The following PLEKHG1 variants were observed in gnomAD, a reference collection of about 807,000 sequenced individuals.
PLEKHG1 encodes the protein pleckstrin homology and RhoGEF domain containing G1, also known as pleckstrin homology domain-containing family G member 1.
In PLEKHG1, 44 loss-of-function variants were observed where a neutral mutation model predicts 100.8. The observed-to-expected ratio is 0.44, with a 90% CI of 0.34 to 0.56. The LOEUF is 0.56. PLEKHG1 is among the 20% of genes least tolerant of loss of function. PLEKHG1 has a pLI of 0.01. For synonymous variants in PLEKHG1, 640 were observed against 662.5 expected (o/e 0.97, Z 0.52); for missense variants, 1,545 against 1,720.9 (o/e 0.90, Z 1.81).
intron 4 of PLEKHG1, among the ~76,000 whole-genome samples, chr6:150,794,729 AG>A (rs1472610276): frequency 2.0e-5 from 3 of 152,064 alleles, no homozygotes; most frequent in Non-Finnish European, 4.4e-5. Flanking sequence ...AATGATGTCT[AG>A]AATTTAATTC....
At chr6:150,765,384 T>C (rs1384333136) in intron 2 of PLEKHG1, among the ~76,000 whole-genome samples, 1 of 151,346 alleles carries the variant, frequency 6.6e-6, no homozygotes, top group Non-Finnish European at 1.5e-5. Context: ...TCTCAGCTAC[T>C]CGAGGGGGCT....
At chr6:150,673,585 C>CT (rs1562426587) in intron 3 of PLEKHG1, among the ~76,000 whole-genome samples, 2 of 151,812 alleles carry the variant, frequency 1.3e-5, no homozygotes, top group Non-Finnish European at 2.9e-5. Context: ...CTTTTCTCTT[C>CT]TCCTTCCTTC....
intron 3 of PLEKHG1, among the ~76,000 whole-genome samples, chr6:150,772,960 G>A (rs984939396): frequency 1.1e-4 from 16 of 152,144 alleles, no homozygotes; most frequent in Non-Finnish European, 1.3e-4. Context: ...ATCTCCTACC[G>A]TGAGACATGC....
intron 3 of PLEKHG1, among the ~76,000 whole-genome samples, chr6:150,651,426 G>A (rs112576472): frequency 0.14 from 21,473 of 151,996 alleles, 1,669 homozygotes; most frequent in South Asian, 0.23. Context: ...TAGAGATGGG[G>A]TTTCACCACG....
At chr6:150,828,015 C>T in intron 14 of PLEKHG1, 1 of 1,613,050 alleles carries the variant, frequency 6.2e-7, no homozygotes. Context: ...GGTCATCTTG[C>T]ACCTTTACAA....
chr6:150,814,042 A>G (rs1011894391), intron 10 of PLEKHG1, among the ~76,000 whole-genome samples: 2 of 152,220 alleles, frequency 1.3e-5, no homozygotes, highest in Non-Finnish European at 2.9e-5. Context: ...ACTGCCAGCA[A>G]TGATTTGGTC....
chr6:150,790,537 C>T (rs749501055), intron 4 of PLEKHG1, among the ~76,000 whole-genome samples: 1 of 152,152 alleles, frequency 6.6e-6, no homozygotes, highest in East Asian at 1.9e-4. Context: ...ACCCTTTCAC[C>T]CACCAGTCCT....
intron 3 of PLEKHG1, among the ~76,000 whole-genome samples, chr6:150,673,770 C>T (rs1230133296): frequency 6.6e-6 from 1 of 152,108 alleles, no homozygotes; most frequent in Non-Finnish European, 1.5e-5. Flanking sequence ...AGGTGATTCT[C>T]CCATCTCAGT....
chr6:150,610,237 G>A (rs1054280766), intron 1 of PLEKHG1, among the ~76,000 whole-genome samples: 4 of 152,176 alleles, frequency 2.6e-5, no homozygotes, highest in African/African-American at 9.7e-5. Flanking sequence ...GAGTAGCTGG[G>A]ATTACAGGCA....
At chr6:150,788,806 GCTCT>G (rs1785785205) in intron 4 of PLEKHG1, among the ~76,000 whole-genome samples, 1 of 152,032 alleles carries the variant, frequency 6.6e-6, no homozygotes, top group Admixed American at 6.6e-5. Context: ...TCGTTGTGTG[GCTCT>G]CTCTCTGTTG....
chr6:150,648,217 G>A (rs1778579277), intron 2 of PLEKHG1, among the ~76,000 whole-genome samples: 1 of 151,914 alleles, frequency 6.6e-6, no homozygotes, highest in African/African-American at 2.4e-5. Context: ...ATTTCTAATA[G>A]GTTTTAAAAA....
At chr6:150,618,932 A>T (rs933795611) in intron 1 of PLEKHG1, among the ~76,000 whole-genome samples, 7 of 152,046 alleles carry the variant, frequency 4.6e-5, no homozygotes, top group East Asian at 1.9e-4. Context: ...AATTTTTTTT[A>T]AATTATTTGG....
At chr6:150,711,316 G>A (rs1781234836) in intron 3 of PLEKHG1, among the ~76,000 whole-genome samples, 1 of 152,078 alleles carries the variant, frequency 6.6e-6, no homozygotes, top group African/African-American at 2.4e-5. Flanking sequence ...CCCCATCACT[G>A]AACCCTGCCT....
intron 2 of PLEKHG1, among the ~76,000 whole-genome samples, chr6:150,757,329 T>G (rs1783900305): frequency 1.3e-5 from 2 of 152,198 alleles, no homozygotes; most frequent in Non-Finnish European, 2.9e-5. Flanking sequence ...GGGCCATTAT[T>G]TGGTGTCCTT....
At chr6:150,825,241 G>A (rs186602838) in intron 14 of PLEKHG1, among the ~76,000 whole-genome samples, 65 of 152,244 alleles carry the variant, frequency 4.3e-4, no homozygotes, top group African/African-American at 1.5e-3. Context: ...ATGTGCTGAA[G>A]GTATATTAAA....
intron 1 of PLEKHG1, among the ~76,000 whole-genome samples, chr6:150,604,115 A>G (rs1219904567): frequency 6.6e-6 from 1 of 152,228 alleles, no homozygotes; most frequent in Admixed American, 6.5e-5. Flanking sequence ...TAAGAAGGAA[A>G]TGTTTTTAAA....
At chr6:150,732,086 C>G (rs538385515) in intron 1 of PLEKHG1, among the ~76,000 whole-genome samples, 1 of 151,726 alleles carries the variant, frequency 6.6e-6, no homozygotes, top group African/African-American at 2.4e-5. Flanking sequence ...CTCAGCCTCC[C>G]GAGTAGCTGG....
Position 150,751,563 on chromosome 6 carries a change from G to A in PLEKHG1, c.412-17075G>A, listed in dbSNP as rs116564069. Among the ~76,000 whole-genome samples, 979 of 152,318 alleles carry A rather than the reference G, an allele frequency of 6.4e-3. 6 individuals carry two copies. The highest frequency in any genetic ancestry group is 0.022 in the African/African-American group (911 of 41,564). On this transcript the variant is annotated intron_variant, in intron 2 of 15. Transcript: ENST00000358517. ...AAATAGATATTTCAAATGCCCAACA[G>A]TGAGGCCTGTGTCTTTCCCCAGGGA... is the stretch of plus-strand genomic sequence containing the variant.
At chr6:150,720,039 T>C (rs1781602844), upstream of PLEKHG1, among the ~76,000 whole-genome samples, 1 of 152,234 alleles carries the variant, frequency 6.6e-6, no homozygotes, top group Non-Finnish European at 1.5e-5. Flanking sequence ...CTGCTAGTGG[T>C]GTTTTCCATA....
Sources: gnomAD v4.1 joint callset for allele counts (sites outside exome capture counted in the v4.1 genomes callset) on GRCh38, gnomAD v4.1.1 for gene constraint, MANE v1.5 for transcripts, NCBI Gene and HGNC (gene_info 2026-07-23, HGNC 2026-07-21) for gene names.